The following DAPK1 variants were observed in gnomAD, a reference collection of about 807,000 sequenced individuals.
DAPK1 encodes the protein death associated protein kinase 1.
DAPK1 carries 56 observed loss-of-function variants against 144.9 expected under a neutral mutation model. That is an observed-to-expected ratio of 0.39 (90% confidence interval 0.31 to 0.48). The LOEUF (loss-of-function observed/expected upper bound fraction) is 0.48, where lower values mean the gene tolerates loss of function less well. Ranked by LOEUF, DAPK1 falls within the 20% of genes least tolerant of loss-of-function variation. The probability of loss-of-function intolerance (pLI) is 0.95; values close to 1 mark genes in which losing one functional copy is unlikely to be tolerated. For synonymous variants in DAPK1, 690 were observed against 749.0 expected (o/e 0.92, Z 1.29); for missense variants, 1,454 against 1,875.4 (o/e 0.78, Z 4.15).
At chr9:87,619,378 C>T (rs1829212898) in intron 3 of DAPK1, among the ~76,000 whole-genome samples, 1 of 152,156 alleles carries the variant, frequency 6.6e-6, no homozygotes, top group Non-Finnish European at 1.5e-5. Context: ...GATGTACATG[C>T]TAGCACACTG....
chr9:87,606,960 C>T (rs1262187556), intron 3 of DAPK1, among the ~76,000 whole-genome samples: 1 of 151,638 alleles, frequency 6.6e-6, no homozygotes, highest in Non-Finnish European at 1.5e-5. Context: ...CTACTAGATT[C>T]CAGTAGCACT....
intron 3 of DAPK1, among the ~76,000 whole-genome samples, chr9:87,629,357 G>A (rs980432409): frequency 1.3e-5 from 2 of 152,208 alleles, no homozygotes; most frequent in African/African-American, 2.4e-5. Context: ...GTGGCCAGAA[G>A]GGATTCCCCT....
At chr9:87,529,105 G>A (rs1188433418) in intron 2 of DAPK1, among the ~76,000 whole-genome samples, 2 of 152,226 alleles carry the variant, frequency 1.3e-5, no homozygotes, top group South Asian at 2.1e-4. Context: ...GGGAGAAGGG[G>A]CACAAGACCC....
chr9:87,532,476 A>G (rs548802542), intron 2 of DAPK1, among the ~76,000 whole-genome samples: 11 of 152,140 alleles, frequency 7.2e-5, no homozygotes, highest in South Asian at 6.2e-4. Context: ...AAGTTTGCTG[A>G]CCCCTGGTTT....
At chr9:87,574,940 G>A (rs545172598) in intron 2 of DAPK1, among the ~76,000 whole-genome samples, 21 of 150,976 alleles carry the variant, frequency 1.4e-4, no homozygotes, top group Non-Finnish European at 3.0e-4. Context: ...AAACAAGGCC[G>A]GGCGTGGTGG....
intron 20 of DAPK1, 118 bp downstream of exon 20, chr9:87,681,744 T>A: frequency 1.4e-6 from 1 of 699,364 alleles, no homozygotes; most frequent in South Asian, 1.5e-5. Flanking sequence ...TACTGGACCC[T>A]GTGGCCTTAG....
At chr9:87,604,532 G>A (rs1828644450) in intron 2 of DAPK1, among the ~76,000 whole-genome samples, 1 of 152,130 alleles carries the variant, frequency 6.6e-6, no homozygotes, top group Non-Finnish European at 1.5e-5. Flanking sequence ...TGTTGTTGAA[G>A]GCAGGACTTC....
At chr9:87,584,825 C>T (rs778989005) in intron 2 of DAPK1, among the ~76,000 whole-genome samples, 1 of 152,050 alleles carries the variant, frequency 6.6e-6, no homozygotes, top group Non-Finnish European at 1.5e-5. Context: ...TACAGTTGCC[C>T]GCCACCACGC....
rs36228939 is a variant in DAPK1 at position 87,510,365 on chromosome 9, A to G, written c.62+11226A>G. 5.2e-3 allele frequency among the ~76,000 whole-genome samples: 794 copies of G among 152,332 alleles called. 8 individuals carry two copies. The highest frequency in any genetic ancestry group is 0.018 in the African/African-American group (743 of 41,566). On this transcript the variant is annotated intron_variant, in intron 2 of 25. Transcript: ENST00000408954. ...GTCTTTTAGAAGCAACATTCTCTTT[A>G]GTGCAGATAATGCTTATCTGCATTG...
chr9:87,589,420 A>C (rs933292374), intron 2 of DAPK1, among the ~76,000 whole-genome samples: 3 of 152,054 alleles, frequency 2.0e-5, no homozygotes, highest in Non-Finnish European at 4.4e-5. Flanking sequence ...CTTTCCCACT[A>C]AGTGAAGGGC....
chr9:87,623,452 C>T (rs1477747138), intron 3 of DAPK1, among the ~76,000 whole-genome samples: 2 of 152,160 alleles, frequency 1.3e-5, no homozygotes, highest in Non-Finnish European at 2.9e-5. Context: ...TTTCTTGGCA[C>T]AGTTGGCAGA....
At chr9:87,641,036 A>G (rs909819315) in intron 9 of DAPK1, among the ~76,000 whole-genome samples, 189 bp downstream of exon 9, 1 of 152,080 alleles carries the variant, frequency 6.6e-6, no homozygotes, top group African/African-American at 2.4e-5. Flanking sequence ...AGGTGGGGAG[A>G]GAGGAATAAG....
intron 20 of DAPK1, among the ~76,000 whole-genome samples, chr9:87,685,844 A>G (rs1298818755): frequency 6.6e-6 from 1 of 152,222 alleles, no homozygotes; most frequent in African/African-American, 2.4e-5. Flanking sequence ...CCATAAGTAA[A>G]AATAAATGCA....
intron 2 of DAPK1, among the ~76,000 whole-genome samples, chr9:87,552,139 G>T (rs558376676): frequency 3.3e-5 from 5 of 152,172 alleles, no homozygotes; most frequent in East Asian, 2.0e-4. Flanking sequence ...CCTGCCTGGG[G>T]TCCCACAGCT....
intron 2 of DAPK1, among the ~76,000 whole-genome samples, chr9:87,544,268 C>T (rs1397919746): frequency 6.6e-6 from 1 of 152,078 alleles, no homozygotes; most frequent in Non-Finnish European, 1.5e-5. Flanking sequence ...GTACAAGCAA[C>T]ATAATTCATT....
chr9:87,653,688 T>C (rs1587814879), intron 17 of DAPK1, among the ~76,000 whole-genome samples: 1 of 132,878 alleles, frequency 7.5e-6, no homozygotes, highest in African/African-American at 2.8e-5. Flanking sequence ...ATTTTATTTA[T>C]TATCATTATT....
chr9:87,497,381 T>C (rs1564109616), upstream of DAPK1: 1 of 152,220 alleles, frequency 6.6e-6, no homozygotes, highest in Non-Finnish European at 1.5e-5. Context: ...AAAATTACCT[T>C]ATTAATTAGC....
intron 3 of DAPK1, among the ~76,000 whole-genome samples, chr9:87,631,111 G>A (rs1228129645): frequency 1.3e-5 from 2 of 152,122 alleles, no homozygotes; most frequent in Non-Finnish European, 2.9e-5. Flanking sequence ...GGTGTGCCCT[G>A]GGGGAGCATA....
chr9:87,621,452 C>G (rs951276061), intron 3 of DAPK1, among the ~76,000 whole-genome samples: 3 of 152,204 alleles, frequency 2.0e-5, no homozygotes, highest in African/African-American at 7.2e-5. Context: ...ATTCCTGTAG[C>G]CATCTGCAGT....
Sources: gnomAD v4.1 joint callset for allele counts (sites outside exome capture counted in the v4.1 genomes callset) on GRCh38, gnomAD v4.1.1 for gene constraint, MANE v1.5 for transcripts, NCBI Gene and HGNC (gene_info 2026-07-23, HGNC 2026-07-21) for gene names.